MDN1: variants seen among roughly 807,000 people sequenced by gnomAD.
MDN1 encodes the protein midasin.
Under a neutral mutation model 669.2 loss-of-function variants are expected in MDN1, and 266 were observed. That is an observed-to-expected ratio of 0.40 (90% CI 0.36 to 0.44). The LOEUF (loss-of-function observed/expected upper bound fraction) is 0.44. MDN1 is among the 20% of genes least tolerant of loss of function. The pLI is 1.00. For missense variants in MDN1, 5,940 were observed against 6,754.0 expected (o/e 0.88, Z 4.22); for synonymous variants, 2,385 against 2,457.1 (o/e 0.97, Z 0.87).
chr6:89,756,560 T>C (rs1454093074), intron 19 of MDN1, among the ~76,000 whole-genome samples, 170 bp from the exon 20 acceptor site: 3 of 152,198 alleles, frequency 2.0e-5, no homozygotes, highest in Non-Finnish European at 4.4e-5. Context: ...AATGTAACCA[T>C]TACCAAAAAT....
chr6:89,650,254 T>C lies in MDN1; in HGVS notation c.16032-56A>G, dbSNP rs1584083167. On this transcript the variant is annotated intron_variant, in intron 96 of 101. Transcript: ENST00000369393. ...TAACAACTTTTAATTCCTGAGAATT[T>C]TTATTAAGGACAAAAATCACAATAA... 10 of 1,524,360 alleles carry C rather than the reference T, an allele frequency of 6.6e-6. No individual in the cohort carries two copies. The East Asian group carries it at 2.3e-4, about 35-fold the overall frequency. The allele number at this position is 1,524,360 out of a possible 1,614,324, so 94.4% of individuals were successfully genotyped here. A position where few individuals can be genotyped will look rare whatever the true frequency, so the allele number is the denominator to read the frequency against.
intron 84 of MDN1, among the ~76,000 whole-genome samples, chr6:89,666,772 C>A (rs1810276132): frequency 6.6e-6 from 1 of 152,230 alleles, no homozygotes; most frequent in African/African-American, 2.4e-5. Flanking sequence ...TATAGAACTG[C>A]ACTCTAGCCT....
At chr6:89,676,790 T>C (rs908670532) in intron 76 of MDN1, among the ~76,000 whole-genome samples, 9 of 152,246 alleles carry the variant, frequency 5.9e-5, no homozygotes, top group Non-Finnish European at 1.3e-4. Context: ...AACACACATG[T>C]GTACTATACC....
chr6:89,804,720 A>G (rs1767897571), intron 1 of MDN1, among the ~76,000 whole-genome samples: 1 of 152,198 alleles, frequency 6.6e-6, no homozygotes, highest in Admixed American at 6.6e-5. Context: ...ACACTTTGAT[A>G]CGGAAGATGA....
At chr6:89,772,948 TA>T (rs1307206464) in intron 13 of MDN1, among the ~76,000 whole-genome samples, 1 of 152,130 alleles carries the variant, frequency 6.6e-6, no homozygotes, top group Non-Finnish European at 1.5e-5. Flanking sequence ...CTCTGGAGAT[TA>T]AAAAGATCAA....
At chr6:89,717,035 T>C (rs1340283672) in intron 43 of MDN1, among the ~76,000 whole-genome samples, 1 of 152,236 alleles carries the variant, frequency 6.6e-6, no homozygotes, top group Non-Finnish European at 1.5e-5. Flanking sequence ...CAGGGTTGAC[T>C]CTAGGGTGAT....
chr6:89,763,268 C>CT (rs1817644066), intron 15 of MDN1, among the ~76,000 whole-genome samples: 1 of 141,274 alleles, frequency 7.1e-6, no homozygotes, highest in Non-Finnish European at 1.5e-5. Context: ...GTTAGGAAAA[C>CT]GAAGAGTAGG....
intron 53 of MDN1, among the ~76,000 whole-genome samples, chr6:89,704,506 G>A (rs1373754937): frequency 1.3e-5 from 2 of 152,216 alleles, no homozygotes; most frequent in East Asian, 3.8e-4. Flanking sequence ...TGCCAACTCA[G>A]TGAACAGTAT....
At chr6:89,715,055 C>T (rs1449017597) in intron 45 of MDN1, among the ~76,000 whole-genome samples, 1 of 152,152 alleles carries the variant, frequency 6.6e-6, no homozygotes, top group African/African-American at 2.4e-5. Flanking sequence ...CTACAGACAG[C>T]AGAACAGGAA....
At chr6:89,795,955 AAAAC>A (rs1199845754) in intron 2 of MDN1, among the ~76,000 whole-genome samples, 15 of 151,746 alleles carry the variant, frequency 9.9e-5, no homozygotes, top group Non-Finnish European at 2.1e-4. Flanking sequence ...ATTCCGTCTC[AAAAC>A]AAACAAACAA....
chr6:89,758,404 C>G (rs975929078), intron 18 of MDN1, 53 bp from the exon 19 acceptor site: 30 of 1,448,922 alleles, frequency 2.1e-5, no homozygotes, highest in Non-Finnish European at 2.9e-5. Context: ...TCTAATTCCA[C>G]AGAACCCCAG....
intron 34 of MDN1, 117 bp downstream of exon 34, chr6:89,732,440 T>C: frequency 7.0e-6 from 6 of 855,954 alleles, no homozygotes; most frequent in Non-Finnish European, 1.1e-5. Flanking sequence ...TTCTGAGTTT[T>C]AGAAATGTTC....
intron 90 of MDN1, 151 bp downstream of exon 90, chr6:89,658,058 A>C (rs1809450828): frequency 1.1e-6 from 1 of 881,826 alleles, no homozygotes. Flanking sequence ...TTGCTTAAAG[A>C]ATGAGATGTG....
intron 50 of MDN1, among the ~76,000 whole-genome samples, chr6:89,710,418 C>G (rs1358747100): frequency 6.6e-6 from 1 of 151,362 alleles, no homozygotes; most frequent in African/African-American, 2.4e-5. Flanking sequence ...CCTCTAGTCC[C>G]AACAGTTTGG....
rs752079905 is a variant in MDN1 at position 89,676,110 on chromosome 6, G to A, written c.12637C>T (p.Pro4213Ser). Residue 4213 changes from proline to serine, a missense_variant, in exon 77 of 102, where the codon CCT becomes TCT. Around this residue, in one of 5 missense-constraint regions of MDN1, gnomAD observed 2,280 missense variants for 2,576.3 expected, o/e 0.88. Transcript: ENST00000369393. ...ATGTTCTATCATTCTACCTTGGCAG[G>A]AGTTGCTAGTGCTGCGTTAAGCCTG... ...HARLNAALAT[P>S]AKEMGMGNVE... The A allele has an allele frequency of 1.9e-6, 3 of 1,614,024 alleles. 1 individual carries two copies. The South Asian group carries it at 3.3e-5, about 18-fold the overall frequency.
Position 89,803,275 on chromosome 6 carries a change from C to G in MDN1, c.329+53G>C, listed in dbSNP as rs890785745. On this transcript the variant is annotated intron_variant, in intron 2 of 101. Transcript: ENST00000369393. Reference sequence around the variant, plus strand: ...TCAGACTCCCTTACATCCCAGGAGACAGCAGGTTCTATCACCTCAAGGAGA... The same window carrying G: ...TCAGACTCCCTTACATCCCAGGAGAGAGCAGGTTCTATCACCTCAAGGAGA... The G allele has an allele frequency of 2.7e-6, 4 of 1,465,760 alleles. No homozygotes were observed. The African/African-American group carries it at 5.6e-5, about 20-fold the overall frequency. 90.8% of individuals were successfully genotyped at this position (1,465,760 alleles called of 1,614,324 possible). A position where few individuals can be genotyped will look rare whatever the true frequency, so the allele number is the denominator to read the frequency against.
rs540603542 is a variant in MDN1 at position 89,655,119 on chromosome 6, G to A, written c.15490+645C>T. Among the ~76,000 whole-genome samples, 4 of 151,648 alleles carry A rather than the reference G, an allele frequency of 2.6e-5. No homozygotes were observed. In the South Asian group the frequency reaches 8.3e-4, roughly 32 times the overall value. On this transcript the variant is annotated intron_variant, in intron 92 of 101. Coordinates refer to ENST00000369393, the MANE Select transcript of MDN1 (RefSeq NM_014611.3). ...GCTACTGCTCTATTTTTTTTTTTAAGTGGGATCAAGGAGAGAAAAATGTAA... is the reference window on the plus strand; with the variant it reads ...GCTACTGCTCTATTTTTTTTTTTAAATGGGATCAAGGAGAGAAAAATGTAA...
Position 89,732,588 on chromosome 6 carries a change from T to C in MDN1, c.4911A>G (p.Ala1637=). Residue 1637 remains alanine (A), a synonymous_variant, in exon 34 of 102, where the codon GCA becomes GCG. Coordinates refer to ENST00000369393, the MANE Select transcript of MDN1 (RefSeq NM_014611.3). The stretch of plus-strand genomic sequence containing the variant: ...CTATTCCATCTATGTACACCAGGCA[T>C]GCAGCATGGACAAAAGATGTCACAG... ...ISTVTSFVHA[A]CLVYIDGIGS... 1.9e-6 allele frequency: 3 copies of C among 1,614,138 alleles called. No homozygotes were observed. Among genetic ancestry groups the C allele is most frequent in the Non-Finnish European group, 2.5e-6 (3 of 1,180,010 alleles).
In MDN1 at chr6:89,801,700, C is replaced by T. The variant is rs529664421; in HGVS notation, c.329+1628G>A. Among the ~76,000 whole-genome samples, 9 of 149,796 alleles carry T rather than the reference C, an allele frequency of 6.0e-5. No individual in the cohort carries two copies. In the East Asian group the frequency reaches 1.4e-3, roughly 23 times the overall value. ...CACAAAAATTAGTGGAGTGTGATGG[C>T]GGGAGAATCACTTGAACCGGGAGGC... On this transcript the variant is annotated intron_variant, in intron 2 of 101. Coordinates refer to ENST00000369393, the MANE Select transcript of MDN1 (RefSeq NM_014611.3).
Sources: allele counts gnomAD v4.1 joint callset (sites outside exome capture counted in the v4.1 genomes callset), GRCh38; gene constraint gnomAD v4.1.1; regional missense constraint gnomAD v4.1.1; transcripts MANE v1.5; gene names NCBI Gene and HGNC (gene_info 2026-07-23, HGNC 2026-07-21).